GULP1: variants seen among roughly 807,000 people sequenced by gnomAD.
The protein encoded by GULP1 is GULP PTB domain containing engulfment adaptor 1.
A neutral mutation model predicts 40.9 loss-of-function variants in GULP1; 19 were observed. The ratio of observed to expected loss-of-function variants is 0.46; its 90% CI spans 0.32 to 0.68. GULP1 has a LOEUF of 0.68. Among genes scored for constraint, GULP1 ranks in the 30% least tolerant of loss-of-function variants. The pLI, the probability that GULP1 is intolerant of heterozygous loss-of-function variation, is 0.03. For missense variants in GULP1, 312 were observed against 362.2 expected, an observed-to-expected ratio of 0.86 and a Z score of 1.12; for synonymous variants, 119 against 117.6, an observed-to-expected ratio of 1.01 and a Z score of -0.08.
At chr2:188,511,781 G>A (rs1435387929) in intron 4 of GULP1, among the ~76,000 whole-genome samples, 1 of 151,762 alleles carries the variant, frequency 6.6e-6, no homozygotes. Context: ...AATAAAATGA[G>A]GAACAAATAT....
chr2:188,370,578 A>G (rs776489765), intron 1 of GULP1, among the ~76,000 whole-genome samples: 5 of 152,198 alleles, frequency 3.3e-5, no homozygotes, highest in Admixed American at 6.5e-5. Flanking sequence ...AGACTTAAAA[A>G]CACATAAACC....
chr2:188,418,572 G>T (rs902690559), intron 2 of GULP1, among the ~76,000 whole-genome samples: 1 of 152,176 alleles, frequency 6.6e-6, no homozygotes, highest in Non-Finnish European at 1.5e-5. Flanking sequence ...GGTGGAGGTT[G>T]CAGTGAGCTG....
At chr2:188,553,023 T>G (rs1225791096) in intron 7 of GULP1, among the ~76,000 whole-genome samples, 2 of 151,898 alleles carry the variant, frequency 1.3e-5, no homozygotes, top group Non-Finnish European at 2.9e-5. Context: ...GCTCCTGATT[T>G]TTGTACATTA....
At chr2:188,354,243 T>A (rs2044937702) in intron 1 of GULP1, among the ~76,000 whole-genome samples, 1 of 152,000 alleles carries the variant, frequency 6.6e-6, no homozygotes, top group East Asian at 1.9e-4. Flanking sequence ...TGGTGCCTTA[T>A]CCCCCCAGGA....
At chr2:188,374,434 T>C (rs1315501710) in intron 1 of GULP1, among the ~76,000 whole-genome samples, 1 of 152,164 alleles carries the variant, frequency 6.6e-6, no homozygotes, top group African/African-American at 2.4e-5. Flanking sequence ...AGAGTGGTCC[T>C]TCAGGCCTGA....
intron 2 of GULP1, among the ~76,000 whole-genome samples, chr2:188,426,616 T>G (rs1207132440): frequency 6.6e-6 from 1 of 152,204 alleles, no homozygotes; most frequent in Non-Finnish European, 1.5e-5. Context: ...CAGGCTGGAA[T>G]TTGGTTATCT....
chr2:188,360,561 G>A (rs911077703), intron 1 of GULP1, among the ~76,000 whole-genome samples: 9 of 151,902 alleles, frequency 5.9e-5, no homozygotes, highest in Admixed American at 2.6e-4. Flanking sequence ...TTTCTTAAGA[G>A]GAAGATTGAT....
intron 7 of GULP1, among the ~76,000 whole-genome samples, chr2:188,547,857 C>A (rs1322633524): frequency 1.3e-5 from 2 of 152,014 alleles, no homozygotes; most frequent in Non-Finnish European, 2.9e-5. Flanking sequence ...TATAATCAAC[C>A]ACATGGAAAA....
At chr2:188,350,657 CT>C (rs933756756) in intron 1 of GULP1, among the ~76,000 whole-genome samples, 38 of 150,820 alleles carry the variant, frequency 2.5e-4, no homozygotes, top group African/African-American at 7.3e-4. Flanking sequence ...ATGTGGATGG[CT>C]TTTTTTTTCT....
chr2:188,496,617 G>A (rs544352352), intron 4 of GULP1, among the ~76,000 whole-genome samples: 1 of 152,016 alleles, frequency 6.6e-6, no homozygotes, highest in African/African-American at 2.4e-5. Flanking sequence ...AATGAACTTA[G>A]AATTTTACAG....
chr2:188,520,138 A>G (rs532232397), intron 4 of GULP1, among the ~76,000 whole-genome samples: 2 of 152,126 alleles, frequency 1.3e-5, no homozygotes, highest in African/African-American at 4.8e-5. Context: ...TCTTTTATGT[A>G]TGCCTGGTCA....
intron 4 of GULP1, among the ~76,000 whole-genome samples, chr2:188,521,097 G>A (rs1221107219): frequency 2.6e-5 from 4 of 151,632 alleles, no homozygotes; most frequent in Non-Finnish European, 5.9e-5. Flanking sequence ...ATTAATTCGT[G>A]AATCTCTTTG....
intron 5 of GULP1, among the ~76,000 whole-genome samples, chr2:188,523,226 G>A (rs1429723247): frequency 6.6e-6 from 1 of 152,102 alleles, no homozygotes; most frequent in Non-Finnish European, 1.5e-5. Flanking sequence ...TAAAAATGTG[G>A]AGTCAGAGTT....
intron 4 of GULP1, among the ~76,000 whole-genome samples, chr2:188,514,639 A>AT (rs373304260): frequency 3.9e-5 from 6 of 152,064 alleles, no homozygotes; most frequent in South Asian, 2.1e-4. Context: ...ATCATTGCTA[A>AT]TTTTTTTTGT....
intron 4 of GULP1, among the ~76,000 whole-genome samples, chr2:188,495,102 A>G (rs1455986334): frequency 6.6e-6 from 1 of 152,012 alleles, no homozygotes. Flanking sequence ...GGATCTTGGG[A>G]GGTAAGGCCA....
intron 2 of GULP1, among the ~76,000 whole-genome samples, chr2:188,441,022 A>G (rs748025538): frequency 1.3e-5 from 2 of 152,158 alleles, no homozygotes; most frequent in Non-Finnish European, 2.9e-5. Context: ...TTTGGTTTGC[A>G]TATTAGAGGG....
At chr2:188,324,193 G>A (rs2040427114) in intron 1 of GULP1, among the ~76,000 whole-genome samples, 1 of 152,044 alleles carries the variant, frequency 6.6e-6, no homozygotes, top group Non-Finnish European at 1.5e-5. Context: ...GAACCCTCAT[G>A]CTACTCATGC....
intron 4 of GULP1, among the ~76,000 whole-genome samples, chr2:188,492,342 A>T (rs932290486): frequency 6.6e-6 from 1 of 152,142 alleles, no homozygotes; most frequent in African/African-American, 2.4e-5. Flanking sequence ...CACATTGCTC[A>T]AACTCTATCA....
At chr2:188,523,083 G>T (rs1208326457) in intron 5 of GULP1, among the ~76,000 whole-genome samples, 1 of 152,106 alleles carries the variant, frequency 6.6e-6, no homozygotes, top group East Asian at 1.9e-4. Context: ...AATATTTTAT[G>T]GCAGTGTGTC....
Sources: allele counts gnomAD v4.1 joint callset (sites outside exome capture counted in the v4.1 genomes callset), GRCh38; gene constraint gnomAD v4.1.1; transcripts MANE v1.5; gene names NCBI Gene and HGNC (gene_info 2026-07-23, HGNC 2026-07-21).